The following PKHD1 variants were observed in gnomAD, a reference collection of about 807,000 sequenced individuals.
PKHD1 encodes the protein fibrocystin.
Under a neutral mutation model 412.0 loss-of-function variants are expected in PKHD1, and 291 were observed. The ratio of observed to expected loss-of-function variants is 0.71; its 90% CI spans 0.64 to 0.78. The LOEUF is 0.78. Ranked by LOEUF, PKHD1 falls within the 30% of genes least tolerant of loss-of-function variation. PKHD1 has a pLI of 0.00. For synonymous variants in PKHD1, 1,777 were observed against 1,821.5 expected (o/e 0.98, Z 0.62); for missense variants, 4,825 against 4,950.7 (o/e 0.97, Z 0.76).
chr6:51,849,395 T>C (rs762303433), intron 49 of PKHD1, among the ~76,000 whole-genome samples: 1 of 152,180 alleles, frequency 6.6e-6, no homozygotes. Flanking sequence ...TTTATAATCC[T>C]TTGGGTACAT....
chr6:51,831,946 GA>G (rs749324417), intron 51 of PKHD1, among the ~76,000 whole-genome samples: 20 of 152,128 alleles, frequency 1.3e-4, no homozygotes, highest in Non-Finnish European at 2.5e-4. Context: ...TACTGGTACA[GA>G]GTTAGAAGGG....
At chr6:51,711,075 T>G (rs549752394) in intron 60 of PKHD1, among the ~76,000 whole-genome samples, 4 of 152,352 alleles carry the variant, frequency 2.6e-5, no homozygotes, top group African/African-American at 9.6e-5. Flanking sequence ...TCTCTGATGT[T>G]ACTGCATGAG....
chr6:52,025,446 G>T lies in PKHD1; in HGVS notation c.4364C>A (p.Ala1455Asp), dbSNP rs775246362. 3.7e-5 allele frequency: 60 copies of T among 1,606,718 alleles called. No homozygotes were observed. The highest frequency in any genetic ancestry group is 4.5e-5 in the Non-Finnish European group (53 of 1,175,622). ...VSLEGDPLPG[A>D]SFSLNVTVLV... ...GACTGTGACGTTCAGGGAGAAGGAA[G>T]CTCCAGGCAAGGGGTCACCCTCCAG... The change falls in exon 32 of 67, where the codon GCT becomes GAT. Residue 1455 changes from alanine to aspartate, a missense_variant. Physicochemically the swap from Ala to Asp is moderately radical, Grantham distance 126. Transcript: ENST00000371117.
At chr6:51,694,540 C>T (rs527334098) in intron 60 of PKHD1, among the ~76,000 whole-genome samples, 2 of 130,636 alleles carry the variant, frequency 1.5e-5, no homozygotes, top group Middle Eastern at 5.0e-3. Context: ...CCCGCCACCA[C>T]AACCAGCCTT....
At chr6:51,926,944 G>A (rs763175489) in intron 37 of PKHD1, among the ~76,000 whole-genome samples, 7 of 152,094 alleles carry the variant, frequency 4.6e-5, no homozygotes, top group African/African-American at 9.7e-5. Context: ...GTCCTACCAC[G>A]CTAGGGTTCC....
chr6:51,945,069 G>T (rs565597491), intron 36 of PKHD1, among the ~76,000 whole-genome samples: 1 of 152,128 alleles, frequency 6.6e-6, no homozygotes, highest in Non-Finnish European at 1.5e-5. Context: ...ACATAGAAAT[G>T]CAGTAATAAT....
chr6:51,864,071 C>T (rs1215452758), intron 48 of PKHD1, among the ~76,000 whole-genome samples: 1 of 152,138 alleles, frequency 6.6e-6, no homozygotes, highest in Non-Finnish European at 1.5e-5. Context: ...GCGCAGCATG[C>T]TCAGGGAAGC....
rs1260768129 is a variant in PKHD1, at chr6:51,626,099, C to T, written c.11785+898G>A. Among the ~76,000 whole-genome samples, 3 of 152,076 alleles carry T rather than the reference C, an allele frequency of 2.0e-5. No individual in the cohort carries two copies. The East Asian group carries it at 5.8e-4, about 29-fold the overall frequency. On this transcript the variant is annotated intron_variant, in intron 66 of 66. Coordinates refer to ENST00000371117, the MANE Select transcript of PKHD1 (RefSeq NM_138694.4). ...GCAAACAAACTGATACACACTCATG[C>T]TCATGTGTGCATGCACACACACACA...
At chr6:51,804,128 CTA>C (rs1763346383) in intron 52 of PKHD1, among the ~76,000 whole-genome samples, 1 of 151,386 alleles carries the variant, frequency 6.6e-6, no homozygotes, top group Non-Finnish European at 1.5e-5. Flanking sequence ...GTAAAAAAGA[CTA>C]TGTCTGTTTC....
chr6:51,621,944 T>C (rs1275288011), intron 66 of PKHD1: 1 of 152,222 alleles, frequency 6.6e-6, no homozygotes, highest in Non-Finnish European at 1.5e-5. Flanking sequence ...TCAAAACATA[T>C]GAATTGTCAT....
At chr6:51,917,424 A>G (rs994059927) in intron 37 of PKHD1, among the ~76,000 whole-genome samples, 5 of 152,102 alleles carry the variant, frequency 3.3e-5, no homozygotes, top group African/African-American at 1.2e-4. Flanking sequence ...AGACAAACAC[A>G]AAGAACAGAG....
intron 53 of PKHD1, among the ~76,000 whole-genome samples, chr6:51,784,231 G>A (rs1382728206): frequency 1.3e-5 from 2 of 151,328 alleles, no homozygotes; most frequent in African/African-American, 2.4e-5. Context: ...AGACAGGAGA[G>A]GCTTCATATA....
chr6:51,628,654 T>A (rs113295251), intron 65 of PKHD1, among the ~76,000 whole-genome samples: 3 of 152,264 alleles, frequency 2.0e-5, no homozygotes, highest in African/African-American at 7.2e-5. Flanking sequence ...CTCCAAACTG[T>A]TTTGCATAGT....
chr6:51,655,994 A>T (rs1313681470), intron 61 of PKHD1, among the ~76,000 whole-genome samples: 1 of 152,180 alleles, frequency 6.6e-6, no homozygotes, highest in African/African-American at 2.4e-5. Context: ...CTGGGGATAT[A>T]CCCAAAGGAT....
At chr6:52,038,148 G>C (rs563988329) in intron 27 of PKHD1, among the ~76,000 whole-genome samples, 16 of 152,140 alleles carry the variant, frequency 1.1e-4, no homozygotes, top group African/African-American at 3.9e-4. Context: ...TTGGGAGGCC[G>C]AGGCAGGCAG....
intron 35 of PKHD1, among the ~76,000 whole-genome samples, chr6:51,973,470 C>T (rs1323516441): frequency 3.3e-5 from 5 of 152,172 alleles, no homozygotes; most frequent in Non-Finnish European, 5.9e-5. Flanking sequence ...TCCTCAAAGG[C>T]AGAAAACTCA....
intron 60 of PKHD1, chr6:51,739,958 GAA>G (rs1784364843): frequency 3.9e-6 from 2 of 518,566 alleles, no homozygotes; most frequent in East Asian, 1.1e-4. Flanking sequence ...AGCCAGAATG[GAA>G]AGCTTTGGTA....
intron 60 of PKHD1, among the ~76,000 whole-genome samples, chr6:51,662,052 G>A (rs978510812): frequency 2.1e-4 from 32 of 151,838 alleles, no homozygotes; most frequent in African/African-American, 7.2e-4. Context: ...AAACAGGGAT[G>A]ATTAAAAGTC....
intron 35 of PKHD1, among the ~76,000 whole-genome samples, chr6:52,008,320 C>T (rs1186883235): frequency 6.6e-6 from 1 of 152,190 alleles, no homozygotes; most frequent in African/African-American, 2.4e-5. Flanking sequence ...CAACATTCCA[C>T]CCAGCTGTGA....
Sources: allele counts gnomAD v4.1 joint callset (sites outside exome capture counted in the v4.1 genomes callset), GRCh38; gene constraint gnomAD v4.1.1; transcripts MANE v1.5; gene names NCBI Gene and HGNC (gene_info 2026-07-23, HGNC 2026-07-21).